Variants in FAM53B observed in about 807,000 individuals in gnomAD.
FAM53B encodes the protein protein FAM53B.
Under a neutral mutation model 32.7 loss-of-function variants are expected in FAM53B, and 12 were observed. The observed-to-expected ratio is 0.37, with a 90% CI of 0.24 to 0.59. FAM53B has a LOEUF of 0.59. FAM53B is among the 20% of genes least tolerant of loss of function. FAM53B has a pLI of 0.72. For synonymous variants in FAM53B, 234 were observed against 228.7 expected (o/e 1.02, Z -0.21); for missense variants, 477 against 577.7 (o/e 0.83, Z 1.79).
At chr10:124,644,500 C>T (rs1414060158) in intron 4 of FAM53B, among the ~76,000 whole-genome samples, 6 of 152,206 alleles carry the variant, frequency 3.9e-5, no homozygotes, top group Non-Finnish European at 8.8e-5. Context: ...ATGTGGGTGG[C>T]AACTCTGTTC....
At chr10:124,718,223 C>T (rs1950048455) in intron 1 of FAM53B, among the ~76,000 whole-genome samples, 1 of 152,096 alleles carries the variant, frequency 6.6e-6, no homozygotes, top group African/African-American at 2.4e-5. Context: ...GCTATAGGCA[C>T]GAGAGGCACC....
intron 4 of FAM53B, among the ~76,000 whole-genome samples, chr10:124,641,803 T>C (rs1396815818): frequency 6.6e-6 from 1 of 152,158 alleles, no homozygotes; most frequent in Non-Finnish European, 1.5e-5. Flanking sequence ...CGGCAAGCAC[T>C]GATAAGACTT....
chr10:124,720,738 G>A (rs1002448840), intron 1 of FAM53B, among the ~76,000 whole-genome samples: 5 of 152,190 alleles, frequency 3.3e-5, no homozygotes, highest in African/African-American at 1.2e-4. Flanking sequence ...GGTAGGGGCT[G>A]AAGACATGAA....
At chr10:124,683,441 AGAG>A (rs1431670329) in intron 3 of FAM53B, among the ~76,000 whole-genome samples, 1 of 152,226 alleles carries the variant, frequency 6.6e-6, no homozygotes, top group African/African-American at 2.4e-5. Context: ...GAGTCAGTCA[AGAG>A]AAGAATAGAA....
Position 124,638,699 on chromosome 10 carries a change from G to A in FAM53B, c.907-15095C>T, listed in dbSNP as rs117447779. Among the ~76,000 whole-genome samples the A allele has an allele frequency of 8.9e-4, 136 of 152,328 alleles. 1 individual carries two copies. The East Asian group carries it at 0.023, about 26-fold the overall frequency. ...GCAGAGACCCCAGGCATGCTGGGGC[G>A]GGGGAGGCCATGCTGGCCCTCGCTG... On this transcript the variant is annotated intron_variant, in intron 4 of 4. Coordinates refer to ENST00000337318, the MANE Select transcript of FAM53B (RefSeq NM_014661.4).
chr10:124,627,103 A>T (rs1042753177), intron 4 of FAM53B, among the ~76,000 whole-genome samples: 1 of 152,232 alleles, frequency 6.6e-6, no homozygotes, highest in Non-Finnish European at 1.5e-5. Flanking sequence ...TTTCAGCCAC[A>T]GTAAAAGAAA....
At chr10:124,707,489 G>A (rs1949968715) in intron 1 of FAM53B, among the ~76,000 whole-genome samples, 1 of 152,182 alleles carries the variant, frequency 6.6e-6, no homozygotes, top group Non-Finnish European at 1.5e-5. Context: ...TGTAATCCCA[G>A]CACTTCAGGA....
chr10:124,635,610 G>C (rs1949424826), intron 4 of FAM53B, among the ~76,000 whole-genome samples: 1 of 152,162 alleles, frequency 6.6e-6, no homozygotes, highest in Non-Finnish European at 1.5e-5. Flanking sequence ...GAGATGCAGG[G>C]AGGAAGGGCT....
intron 4 of FAM53B, among the ~76,000 whole-genome samples, chr10:124,648,296 G>A (rs746682383): frequency 6.6e-6 from 1 of 152,260 alleles, no homozygotes; most frequent in Non-Finnish European, 1.5e-5. Flanking sequence ...AAACCTCCAG[G>A]ATGGAGAGGG....
intron 4 of FAM53B, among the ~76,000 whole-genome samples, chr10:124,660,546 G>A (rs1222131939): frequency 6.6e-6 from 1 of 152,224 alleles, no homozygotes; most frequent in Non-Finnish European, 1.5e-5. Flanking sequence ...TTATCACCTG[G>A]GGGGGCATGG....
chr10:124,663,039 C>T (rs774180243), intron 4 of FAM53B, among the ~76,000 whole-genome samples: 4 of 152,228 alleles, frequency 2.6e-5, no homozygotes, highest in Non-Finnish European at 5.9e-5. Flanking sequence ...GAGTCCTTTG[C>T]ACACTGAGGG....
chr10:124,637,584 T>C (rs1949441627), intron 4 of FAM53B, among the ~76,000 whole-genome samples: 1 of 152,210 alleles, frequency 6.6e-6, no homozygotes, highest in Non-Finnish European at 1.5e-5. Flanking sequence ...TCCCTGCTGA[T>C]GTCCCACGCT....
rs1949288410 is a variant in FAM53B, at chr10:124,619,394, G to C, written c.*3848C>G. On this transcript the variant is annotated 3_prime_UTR_variant, in exon 5 of 5. Coordinates refer to ENST00000337318, the MANE Select transcript of FAM53B (RefSeq NM_014661.4). ...TGCAAGCCACAGCCTGTGCGGGGAG[G>C]CCAGGCTGCAGGGGCGGGCAGACCC... is the stretch of plus-strand genomic sequence containing the variant. 6.6e-6 allele frequency: 1 copy of C among 152,530 alleles called. No individual in the cohort carries two copies. Among genetic ancestry groups the C allele is most frequent in the Non-Finnish European group, 1.5e-5 (1 of 68,054 alleles). 9.4% of individuals were successfully genotyped at this position (152,530 alleles called of 1,614,324 possible).
chr10:124,737,455 C>A (rs901994021), intron 1 of FAM53B, among the ~76,000 whole-genome samples: 2 of 152,184 alleles, frequency 1.3e-5, no homozygotes, highest in African/African-American at 2.4e-5. Context: ...TGATCAAGTT[C>A]ACCTGCTGGT....
chr10:124,667,227 G>A (rs1164933594), intron 4 of FAM53B: 2 of 561,682 alleles, frequency 3.6e-6, no homozygotes, highest in Non-Finnish European at 6.3e-6. Context: ...ATGACATGTG[G>A]AAATGATAGT....
intron 4 of FAM53B, among the ~76,000 whole-genome samples, chr10:124,662,575 G>A (rs532175630): frequency 1.6e-4 from 25 of 152,088 alleles, no homozygotes; most frequent in Middle Eastern, 6.8e-3. Flanking sequence ...CAGTGCTTTC[G>A]GAGGCTCAGG....
At chr10:124,717,838 G>A (rs1950046313) in intron 1 of FAM53B, among the ~76,000 whole-genome samples, 1 of 152,140 alleles carries the variant, frequency 6.6e-6, no homozygotes, top group South Asian at 2.1e-4. Flanking sequence ...CATCTTCTAG[G>A]ACAACTCTCA....
At chr10:124,627,910 G>T (rs1305195261) in intron 4 of FAM53B, among the ~76,000 whole-genome samples, 3 of 133,948 alleles carry the variant, frequency 2.2e-5, no homozygotes, top group Non-Finnish European at 3.5e-5. Flanking sequence ...AGTCCACGGG[G>T]ATACAGACAA....
rs1271118611 is a variant in FAM53B, at chr10:124,682,257, C to T, written c.256G>A (p.Ala86Thr). ...SSLWHREAVT[A>T]CAVTSLIKDL... is the part of the protein sequence containing the mutation. ...TTGATCAGACTGGTCACAGCGCAGG[C>T]GGTCACTGCCTCCCGGTGCCATAGT... Residue 86 changes from alanine (A) to threonine (T), a missense_variant, in exon 4 of 5, where the codon GCC (alanine) becomes ACC (threonine). Ala to Thr is a moderately conservative substitution (Grantham distance 58). This residue lies in a region of FAM53B where 312 missense variants were observed against 420.2 expected (regional missense o/e 0.74). Coordinates refer to ENST00000337318, the MANE Select transcript of FAM53B (RefSeq NM_014661.4). The surrounding 1 kb of genome is among the most constrained non-coding windows in gnomAD (Gnocchi z 5.2). 5.0e-6 allele frequency: 8 copies of T among 1,613,880 alleles called. No individual in the cohort carries two copies. The highest frequency in any genetic ancestry group is 5.9e-6 in the Non-Finnish European group (7 of 1,179,986).
Sources: gnomAD v4.1 joint callset for allele counts (sites outside exome capture counted in the v4.1 genomes callset) on GRCh38, gnomAD v4.1.1 for gene constraint, gnomAD v4.1.1 regional missense constraint, Gnocchi (gnomAD v3.1) non-coding constraint, MANE v1.5 for transcripts, NCBI Gene and HGNC (gene_info 2026-07-23, HGNC 2026-07-21) for gene names.